The following ECE1 variants were observed in gnomAD, a reference collection of about 807,000 sequenced individuals.
ECE1 encodes the protein endothelin-converting enzyme 1.
ECE1 carries 35 observed loss-of-function variants against 98.6 expected under a neutral mutation model. The ratio of observed to expected loss-of-function variants is 0.35; its 90% CI spans 0.27 to 0.47. The LOEUF (loss-of-function observed/expected upper bound fraction) is 0.47. Ranked by LOEUF, ECE1 falls within the 20% of genes least tolerant of loss-of-function variation. The pLI is 1.00. For synonymous variants in ECE1, 394 were observed against 407.1 expected (o/e 0.97, Z 0.39); for missense variants, 814 against 1,025.3 (o/e 0.79, Z 2.81).
At chr1:21,273,348 T>C (rs1017479649) in intron 3 of ECE1, among the ~76,000 whole-genome samples, 74 of 59,000 alleles carry the variant, frequency 1.3e-3, no homozygotes, top group Admixed American at 1.6e-3. Context: ...CGTGTGTGCG[T>C]GTGTGTGTGT....
At chr1:21,241,559 A>T (rs1371099538) in intron 10 of ECE1, among the ~76,000 whole-genome samples, 1 of 151,338 alleles carries the variant, frequency 6.6e-6, no homozygotes, top group Non-Finnish European at 1.5e-5. Context: ...TGTAGCTGGG[A>T]TTACAGGTGT....
chr1:21,257,785 GCC>G (rs11373995), intron 6 of ECE1, among the ~76,000 whole-genome samples, 195 bp from the exon 7 acceptor site: 2 of 150,360 alleles, frequency 1.3e-5, no homozygotes, highest in Non-Finnish European at 3.0e-5. Context: ...TGTCCACGTG[GCC>G]CCCCCCCGCA....
chr1:21,233,605 T>A lies in ECE1; in HGVS notation c.1623A>T (p.Ser541=). Residue 541 remains serine, a synonymous_variant, in exon 14 of 19, where the codon TCA becomes TCT. Coordinates refer to ENST00000374893, the MANE Select transcript of ECE1 (RefSeq NM_001397.3). The surrounding 1 kb of genome is among the most constrained non-coding windows in gnomAD (Gnocchi z 4.0). ...TGAGCTGATCGGCAGTGACCCTCCA[T>A]GAGAAGTTGAAAAACCGCATGGCAT... ...FENAMRFFNF[S]WRVTADQLRK... is the part of the protein sequence containing the mutation. 1 of 1,613,730 alleles carries A rather than the reference T, an allele frequency of 6.2e-7. No individual in the cohort carries two copies. Among genetic ancestry groups the A allele is most frequent in the Non-Finnish European group, 8.5e-7 (1 of 1,179,892 alleles).
chr1:21,292,759 C>G (rs1356286331), upstream of ECE1, among the ~76,000 whole-genome samples: 2 of 152,236 alleles, frequency 1.3e-5, no homozygotes, highest in Admixed American at 6.5e-5. Context: ...CATCTAACTT[C>G]ATAATGCCTA....
In ECE1 at chr1:21,236,859, A is replaced by G. The variant is rs2103240238; in HGVS notation, c.1390-15T>C. On this transcript the variant is annotated splice_polypyrimidine_tract_variant and intron_variant, in intron 11 of 18. Coordinates refer to ENST00000374893, the MANE Select transcript of ECE1 (RefSeq NM_001397.3). ...ATCTCGGTGGCCTGAGGAGATACAC[A>G]TCACAGCAGTAAGGTCTGCGCACTG... is the stretch of plus-strand genomic sequence containing the variant. The G allele has an allele frequency of 6.2e-7, 1 of 1,610,652 alleles. No individual in the cohort carries two copies. The highest frequency in any genetic ancestry group is 8.5e-7 in the Non-Finnish European group (1 of 1,177,676).
Position 21,219,980 on chromosome 1 carries a change from G to T in ECE1, c.2288C>A (p.Pro763Gln), listed in dbSNP as rs754134273. ...FRCPPGSPMN[P>Q]PHKCEVW ...TTACCAGACTTCGCACTTGTGAGGC[G>T]GGTTCATGGGTGAGCCAGGTGGGCA... Residue 763 changes from proline (P) to glutamine (Q), a missense_variant, in exon 19 of 19, where the codon CCG (proline) becomes CAG (glutamine). Transcript: ENST00000374893. This position sits in a 1 kb window ranked among gnomAD's most constrained non-coding sequence, Gnocchi z 4.5. The T allele has an allele frequency of 6.2e-7, 1 of 1,614,122 alleles. No homozygotes were observed. The highest frequency in any genetic ancestry group is 1.3e-5 in the African/African-American group (1 of 74,942).
At chr1:21,320,277 C>A (rs1021832434) in intron 1 of ECE1, among the ~76,000 whole-genome samples, 2 of 152,202 alleles carry the variant, frequency 1.3e-5, no homozygotes, top group Non-Finnish European at 2.9e-5. Context: ...TCAAACAGGT[C>A]ACCGGACTTC....
chr1:21,294,985 A>G (rs1638311164), upstream of ECE1, among the ~76,000 whole-genome samples: 1 of 152,180 alleles, frequency 6.6e-6, no homozygotes, highest in South Asian at 2.1e-4. This position sits in a 1 kb window ranked among gnomAD's most constrained non-coding sequence, Gnocchi z 4.2. Context: ...AAACACACTC[A>G]TATTATCTGG....
At chr1:21,343,490 T>C (rs1461091304) in intron 1 of ECE1, among the ~76,000 whole-genome samples, 2 of 152,064 alleles carry the variant, frequency 1.3e-5, no homozygotes, top group Non-Finnish European at 2.9e-5. Context: ...CTGGGGCAAA[T>C]AGGTTAGATG....
intron 1 of ECE1, among the ~76,000 whole-genome samples, chr1:21,297,530 CTTTTTTTTTTTTT>C (rs768958507): frequency 1.7e-5 from 2 of 116,194 alleles, no homozygotes; most frequent in Non-Finnish European, 3.5e-5. Context: ...TTTTCTTTTT[CTTTTTTTTTTTTT>C]TTTTTTGAGA....
At chr1:21,304,555 T>C (rs1638556938) in intron 1 of ECE1, among the ~76,000 whole-genome samples, 1 of 152,136 alleles carries the variant, frequency 6.6e-6, no homozygotes, top group African/African-American at 2.4e-5. Context: ...CTCATATCCT[T>C]GTCTTGGTCA....
At chr1:21,263,231 G>T (rs1283360454) in intron 4 of ECE1, among the ~76,000 whole-genome samples, 1 of 152,220 alleles carries the variant, frequency 6.6e-6, no homozygotes, top group African/African-American at 2.4e-5. Context: ...TAGGGACCTA[G>T]TAGGCCCCTA....
intron 2 of ECE1, among the ~76,000 whole-genome samples, chr1:21,285,360 C>T (rs1283172506): frequency 6.6e-6 from 1 of 152,200 alleles, no homozygotes; most frequent in Admixed American, 6.5e-5. Context: ...AGTCTCTGGG[C>T]CTCAGTCTCC....
At chr1:21,251,065 A>G (rs1052280124) in intron 8 of ECE1, among the ~76,000 whole-genome samples, 7 of 152,050 alleles carry the variant, frequency 4.6e-5, no homozygotes, top group African/African-American at 1.7e-4. Flanking sequence ...CTGAGGTCAC[A>G]TAGTTAACTA....
rs981895038 is a variant in ECE1, at chr1:21,258,091, C to T, written c.763-501G>A. ...GTCAAATTCTGCTTGCTACTATTGG[C>T]ACCCATGGCCACATCTTGGCATACC... On this transcript the variant is annotated intron_variant, in intron 6 of 18. Transcript: ENST00000374893. This position sits in a 1 kb window ranked among gnomAD's most constrained non-coding sequence, Gnocchi z 4.2. Among the ~76,000 whole-genome samples the T allele has an allele frequency of 3.3e-5, 5 of 152,176 alleles. No homozygotes were observed. The highest frequency in any genetic ancestry group is 1.2e-4 in the African/African-American group (5 of 41,448).
Position 21,327,867 on chromosome 1 carries a change from G to A in ECE1, c.3+17509C>T, listed in dbSNP as rs924722792. On this transcript the variant is annotated intron_variant, in intron 1 of 18. Coordinates refer to the ECE1 transcript ENST00000415912. The surrounding 1 kb of genome is among the most constrained non-coding windows in gnomAD (Gnocchi z 4.6). ...TCAGCGGTGGCATTAGATTCTCGTA[G>A]GAGCGCGAACCCTATTGTGAACTGC... Among the ~76,000 whole-genome samples the A allele has an allele frequency of 1.3e-5, 2 of 152,216 alleles. No homozygotes were observed. Among genetic ancestry groups the A allele is most frequent in the Non-Finnish European group, 2.9e-5 (2 of 68,042 alleles).
chr1:21,235,934 A>G lies in ECE1; in HGVS notation c.1489-7T>C. 6.2e-7 allele frequency: 1 copy of G among 1,614,030 alleles called. No individual in the cohort carries two copies. The highest frequency in any genetic ancestry group is 8.5e-7 in the Non-Finnish European group (1 of 1,179,866). On this transcript the variant is annotated splice_region_variant and splice_polypyrimidine_tract_variant and intron_variant, in intron 12 of 18. Transcript: ENST00000374893. The surrounding 1 kb of genome is among the most constrained non-coding windows in gnomAD (Gnocchi z 4.2). ...TGTTGTAGATGGCATCGGCCTGGAC[A>G]GGACAGACAGAGGAAGTGAGTGCCC...
intron 5 of ECE1, among the ~76,000 whole-genome samples, chr1:21,259,105 GGAAA>G (rs1256039584): frequency 1.3e-5 from 2 of 152,138 alleles, no homozygotes; most frequent in Non-Finnish European, 2.9e-5. Flanking sequence ...GATGAGAATG[GGAAA>G]GAGACTTTTC....
At chr1:21,311,819 A>AT (rs1638731229) in intron 1 of ECE1, among the ~76,000 whole-genome samples, 1 of 151,342 alleles carries the variant, frequency 6.6e-6, no homozygotes, top group African/African-American at 2.4e-5. Context: ...CTCAAAAAAA[A>AT]ATTTTTTTAA....
Sources: allele counts gnomAD v4.1 joint callset (sites outside exome capture counted in the v4.1 genomes callset), GRCh38; gene constraint gnomAD v4.1.1; non-coding constraint Gnocchi (gnomAD v3.1); transcripts MANE v1.5; gene names NCBI Gene and HGNC (gene_info 2026-07-23, HGNC 2026-07-21).